SDK1: variants seen among roughly 807,000 people sequenced by gnomAD.
The protein encoded by SDK1 is sidekick cell adhesion molecule 1.
In SDK1, 157 loss-of-function variants were observed where a neutral mutation model predicts 245.5. That is an observed-to-expected ratio of 0.64 (90% confidence interval 0.56 to 0.73). The LOEUF is 0.73. SDK1 is among the 30% of genes least tolerant of loss of function. SDK1 has a pLI of 0.00. For missense variants in SDK1, 3,583 were observed against 3,002.3 expected (o/e 1.19, Z -4.52); for synonymous variants, 1,647 against 1,278.5 (o/e 1.29, Z -6.15).
intron 5 of SDK1, among the ~76,000 whole-genome samples, chr7:3,895,404 G>A (rs1781576821): frequency 6.6e-6 from 1 of 152,196 alleles, no homozygotes; most frequent in South Asian, 2.1e-4. Flanking sequence ...CAATCAACAT[G>A]TAGTGGACGT....
intron 1 of SDK1, among the ~76,000 whole-genome samples, chr7:3,330,859 C>G (rs530864127): frequency 1.4e-4 from 20 of 145,828 alleles, no homozygotes; most frequent in Non-Finnish European, 1.8e-4. Flanking sequence ...GTAGTCCTAT[C>G]TACTTGGAAG....
At chr7:3,322,830 C>T (rs1425335750) in intron 1 of SDK1, among the ~76,000 whole-genome samples, 1 of 152,100 alleles carries the variant, frequency 6.6e-6, no homozygotes, top group Non-Finnish European at 1.5e-5. Context: ...ACCCATAAGA[C>T]CTTGTCTCTG....
chr7:4,031,743 T>C (rs1787834644), intron 17 of SDK1, among the ~76,000 whole-genome samples: 1 of 151,932 alleles, frequency 6.6e-6, no homozygotes, highest in African/African-American at 2.4e-5. Flanking sequence ...ATACTGGACT[T>C]AATTAGCTTT....
At chr7:3,963,096 A>G (rs1400232444) in intron 9 of SDK1, among the ~76,000 whole-genome samples, 4 of 134,690 alleles carry the variant, frequency 3.0e-5, no homozygotes, top group African/African-American at 9.1e-5. Context: ...ACCTGGATGT[A>G]ACCAGTGGGT....
intron 5 of SDK1, among the ~76,000 whole-genome samples, chr7:3,903,920 C>T (rs950225364): frequency 2.6e-5 from 4 of 152,102 alleles, no homozygotes; most frequent in African/African-American, 9.7e-5. Context: ...TAGACTCTGT[C>T]TTGCTTTCTC....
chr7:3,751,771 G>C (rs1456373798), intron 4 of SDK1, among the ~76,000 whole-genome samples: 1 of 152,176 alleles, frequency 6.6e-6, no homozygotes, highest in African/African-American at 2.4e-5. Flanking sequence ...ACCTTGCCTG[G>C]TGATTGACAC....
rs550525084 is a variant in SDK1, at chr7:4,080,828, G to A, written c.3324+1244G>A. Among the ~76,000 whole-genome samples the A allele has an allele frequency of 4.6e-5, 7 of 152,010 alleles. No individual in the cohort carries two copies. The East Asian group carries it at 1.4e-3, about 29-fold the overall frequency. ...CATATGTAACAAACCTGCACATTGT[G>A]CACACGTACCCTAAAACTTAAAGTA... On this transcript the variant is annotated intron_variant, in intron 22 of 44. Coordinates refer to ENST00000404826, the MANE Select transcript of SDK1 (RefSeq NM_152744.4).
intron 4 of SDK1, among the ~76,000 whole-genome samples, chr7:3,682,044 T>C (rs1784115746): frequency 2.0e-5 from 3 of 152,242 alleles, no homozygotes; most frequent in South Asian, 2.1e-4. Flanking sequence ...AACAGCCTTA[T>C]ATCAGTTAAA....
chr7:3,706,017 G>C (rs1347428038), intron 4 of SDK1, among the ~76,000 whole-genome samples: 1 of 152,100 alleles, frequency 6.6e-6, no homozygotes. Context: ...TGCATCTATT[G>C]AAATGATTAT....
intron 1 of SDK1, among the ~76,000 whole-genome samples, chr7:3,597,885 C>T (rs1175131159): frequency 1.3e-5 from 2 of 152,138 alleles, no homozygotes; most frequent in African/African-American, 2.4e-5. Flanking sequence ...CTATAAATAA[C>T]AGTACTTTGA....
intron 35 of SDK1, among the ~76,000 whole-genome samples, chr7:4,189,633 T>A (rs1783077849): frequency 6.6e-6 from 1 of 152,152 alleles, no homozygotes; most frequent in Non-Finnish European, 1.5e-5. Flanking sequence ...GTGGATTACT[T>A]GAGGTCAGGA....
chr7:3,652,465 A>C (rs1441814778), intron 4 of SDK1, among the ~76,000 whole-genome samples: 1 of 152,232 alleles, frequency 6.6e-6, no homozygotes, highest in Non-Finnish European at 1.5e-5. Flanking sequence ...CTTCCACTCT[A>C]ACAGGACGGA....
chr7:3,609,105 CTT>C (rs1317517625), intron 1 of SDK1, among the ~76,000 whole-genome samples: 5 of 152,184 alleles, frequency 3.3e-5, no homozygotes, highest in African/African-American at 4.8e-5. Context: ...TCATAAATGT[CTT>C]TTGTATTAAT....
chr7:3,749,355 A>G (rs983866054), intron 4 of SDK1, among the ~76,000 whole-genome samples: 1 of 151,964 alleles, frequency 6.6e-6, no homozygotes, highest in Non-Finnish European at 1.5e-5. Context: ...GCTGGAGTGC[A>G]ATGGCACGAT....
intron 1 of SDK1, among the ~76,000 whole-genome samples, chr7:3,550,296 C>G (rs1779359047): frequency 6.6e-6 from 1 of 152,158 alleles, no homozygotes; most frequent in African/African-American, 2.4e-5. Context: ...TGAAATCATT[C>G]TAGCCTTTAT....
chr7:3,624,003 A>G (rs1230343603), intron 2 of SDK1, among the ~76,000 whole-genome samples: 1 of 152,206 alleles, frequency 6.6e-6, no homozygotes, highest in African/African-American at 2.4e-5. Context: ...ATTTCACAGT[A>G]TCAATAAAAA....
intron 20 of SDK1, among the ~76,000 whole-genome samples, chr7:4,072,429 G>C (rs1230738351): frequency 6.6e-6 from 1 of 152,224 alleles, no homozygotes; most frequent in Non-Finnish European, 1.5e-5. Flanking sequence ...GAAGGTCCTA[G>C]AGGAGATGAG....
chr7:3,943,174 G>C, intron 5 of SDK1, among the ~76,000 whole-genome samples: 1 of 152,152 alleles, frequency 6.6e-6, no homozygotes, highest in South Asian at 2.1e-4. Flanking sequence ...CACTGCTTTA[G>C]GGCATAGACT....
chr7:4,011,379 G>A (rs1034495978), intron 15 of SDK1, among the ~76,000 whole-genome samples: 1 of 152,212 alleles, frequency 6.6e-6, no homozygotes, highest in Non-Finnish European at 1.5e-5. Context: ...AATCGCTCCT[G>A]ACAGCACAGC....
Sources: gnomAD v4.1 joint callset for allele counts (sites outside exome capture counted in the v4.1 genomes callset) on GRCh38, gnomAD v4.1.1 for gene constraint, MANE v1.5 for transcripts, NCBI Gene and HGNC (gene_info 2026-07-23, HGNC 2026-07-21) for gene names.